The following NAA60 variants were observed in gnomAD, a reference collection of about 807,000 sequenced individuals.
NAA60 encodes the protein N-alpha-acetyltransferase 60, NatF catalytic subunit, also known as N-alpha-acetyltransferase 60.
NAA60 carries 8 observed loss-of-function variants against 26.1 expected under a neutral mutation model. The ratio of observed to expected loss-of-function variants is 0.31; its 90% CI spans 0.18 to 0.55. The LOEUF is 0.55. Among genes scored for constraint, NAA60 ranks in the 20% least tolerant of loss-of-function variants. The probability of loss-of-function intolerance (pLI) is 0.93; values close to 1 mark genes in which losing one functional copy is unlikely to be tolerated. For synonymous variants in NAA60, 131 were observed against 122.5 expected (o/e 1.07, Z -0.46); for missense variants, 290 against 311.3 (o/e 0.93, Z 0.51).
intron 2 of NAA60, among the ~76,000 whole-genome samples, chr16:3,458,341 C>T (rs1010828467): frequency 6.6e-6 from 1 of 151,182 alleles, no homozygotes; most frequent in Non-Finnish European, 1.5e-5. Context: ...CCCCGGCGCA[C>T]GGTCCTCCCG....
chr16:3,470,321 C>A (rs1056458561), intron 2 of NAA60, among the ~76,000 whole-genome samples: 1 of 152,232 alleles, frequency 6.6e-6, no homozygotes, highest in African/African-American at 2.4e-5. Context: ...GGTACACCTC[C>A]CAGCCTGTAG....
At chr16:3,468,286 G>C (rs12185193) in intron 2 of NAA60, 1 of 152,136 alleles carries the variant, frequency 6.6e-6, no homozygotes, top group Non-Finnish European at 1.5e-5. Flanking sequence ...AAAGCAGGTC[G>C]GTGTGAAGGG....
intron 2 of NAA60, among the ~76,000 whole-genome samples, chr16:3,465,266 CAA>C (rs529847098): frequency 2.9e-4 from 25 of 87,644 alleles, no homozygotes; most frequent in East Asian, 2.3e-3. Context: ...GACTCTGTCT[CAA>C]AAAAAAAAAA....
At chr16:3,483,002 G>T in intron 5 of NAA60, 1 of 463,840 alleles carries the variant, frequency 2.2e-6, no homozygotes, top group Non-Finnish European at 3.9e-6. Flanking sequence ...CACCCCACTC[G>T]GCCACACGGC....
intron 2 of NAA60, among the ~76,000 whole-genome samples, chr16:3,461,654 G>C (rs1382810950): frequency 5.3e-5 from 8 of 152,200 alleles, no homozygotes; most frequent in African/African-American, 1.7e-4. Flanking sequence ...GTGCTTTGAA[G>C]CCAGAAATAA....
At chr16:3,473,206 G>C (rs1472993609) in intron 2 of NAA60, among the ~76,000 whole-genome samples, 1 of 151,980 alleles carries the variant, frequency 6.6e-6, no homozygotes, top group East Asian at 1.9e-4. Flanking sequence ...GCTAATGTTT[G>C]TATTTTTAGT....
intron 1 of NAA60, among the ~76,000 whole-genome samples, chr16:3,445,387 C>T (rs2034510663): frequency 6.6e-6 from 1 of 151,538 alleles, no homozygotes. Context: ...GATTCTCCTG[C>T]CTAAGCCTCC....
intron 7 of NAA60, 25 bp from the exon 8 acceptor site, chr16:3,485,442 T>G: frequency 4.4e-6 from 2 of 458,418 alleles, no homozygotes; most frequent in Non-Finnish European, 8.8e-6. Flanking sequence ...GCCTTCACCC[T>G]GCCCTGCTCT....
intron 2 of NAA60, among the ~76,000 whole-genome samples, chr16:3,450,861 G>T (rs1285063962): frequency 6.6e-6 from 1 of 152,148 alleles, no homozygotes; most frequent in African/African-American, 2.4e-5. Context: ...TGGTATAGAA[G>T]CCTTGGGTGG....
intron 2 of NAA60, chr16:3,468,297 A>T (rs537719604): frequency 6.6e-6 from 1 of 152,282 alleles, no homozygotes; most frequent in African/African-American, 2.4e-5. Context: ...GTGTGAAGGG[A>T]GTAGCCTCTG....
chr16:3,446,675 A>G (rs772971000), intron 1 of NAA60, among the ~76,000 whole-genome samples: 2 of 148,846 alleles, frequency 1.3e-5, no homozygotes, highest in Non-Finnish European at 3.0e-5. Context: ...CAGTGGTGCG[A>G]TCTCTGCTCA....
intron 2 of NAA60, chr16:3,467,571 T>G (rs977422999): frequency 1.3e-5 from 2 of 152,168 alleles, no homozygotes; most frequent in Non-Finnish European, 2.9e-5. Flanking sequence ...ACAGGGTTGT[T>G]TTTGGCTTTT....
chr16:3,485,919 A>C lies in NAA60; in HGVS notation c.*659A>C, dbSNP rs1567406647. On this transcript the variant is annotated 3_prime_UTR_variant, in exon 8 of 8. Coordinates refer to ENST00000407558, the MANE Select transcript of NAA60 (RefSeq NM_001083601.3). ...GCGGTCACGCATCAGGACGGTTCCT[A>C]CTCCTCAGCACCTTCCGTGCAGTTA... 1 of 335,754 alleles carries C rather than the reference A, an allele frequency of 3.0e-6. No homozygotes were observed. Among genetic ancestry groups the C allele is most frequent in the African/African-American group, 2.2e-5 (1 of 46,100 alleles). 20.8% of individuals were successfully genotyped at this position (335,754 alleles called of 1,614,324 possible).
In NAA60 at chr16:3,463,320, G is replaced by C. The variant is rs1375495957; in HGVS notation, c.-6-12902G>C. 2.0e-5 allele frequency among the ~76,000 whole-genome samples: 3 copies of C among 152,076 alleles called. No homozygotes were observed. In the East Asian group the frequency reaches 5.8e-4, roughly 29 times the overall value. On this transcript the variant is annotated intron_variant, in intron 2 of 7. Coordinates refer to ENST00000407558, the MANE Select transcript of NAA60 (RefSeq NM_001083601.3). ...CCTAGCACTTTGGGAGGCCGAGGTAGGTGGATCACTTGAGCTCTGGAGTTA... is the reference window on the plus strand; with the variant it reads ...CCTAGCACTTTGGGAGGCCGAGGTACGTGGATCACTTGAGCTCTGGAGTTA...
intron 2 of NAA60, chr16:3,457,967 CA>C (rs1446144886): frequency 6.1e-6 from 6 of 984,910 alleles, no homozygotes; most frequent in Non-Finnish European, 7.2e-6. Flanking sequence ...GGGGCGGGGC[CA>C]CGTGGGGGCG....
chr16:3,446,240 A>G (rs1227288983), intron 1 of NAA60, among the ~76,000 whole-genome samples: 1 of 152,174 alleles, frequency 6.6e-6, no homozygotes, highest in Non-Finnish European at 1.5e-5. Context: ...CATTTCAGAA[A>G]GTTAGGAAAG....
At chr16:3,467,871 G>T (rs12185192) in intron 2 of NAA60, 9,355 of 152,212 alleles carry the variant, frequency 0.061, 382 homozygotes, top group Admixed American at 0.084. Flanking sequence ...TGGACAAAAC[G>T]GCACAAACAA....
intron 2 of NAA60, among the ~76,000 whole-genome samples, chr16:3,457,751 A>G (rs1203857786): frequency 1.3e-5 from 2 of 152,086 alleles, no homozygotes; most frequent in Non-Finnish European, 2.9e-5. Flanking sequence ...CTCGGCCCGG[A>G]AACCGCGCCA....
rs1469915605 is a variant in NAA60, at chr16:3,466,278, C to T, written c.-6-9944C>T. On this transcript the variant is annotated intron_variant, in intron 2 of 7. Transcript: ENST00000407558. Reference sequence around the variant, plus strand: ...GCCACTCTGCGGGCTCCCCTCGGCACATGATGGTCTTCAGAGAGAGGCTGT... The same window carrying T: ...GCCACTCTGCGGGCTCCCCTCGGCATATGATGGTCTTCAGAGAGAGGCTGT... 2.8e-4 allele frequency among the ~76,000 whole-genome samples: 42 copies of T among 152,218 alleles called. 2 individuals carry two copies. Among genetic ancestry groups the T allele is most frequent in the Admixed American group, 2.7e-3 (42 of 15,286 alleles).
Sources: allele counts gnomAD v4.1 joint callset (sites outside exome capture counted in the v4.1 genomes callset), GRCh38; gene constraint gnomAD v4.1.1; transcripts MANE v1.5; gene names NCBI Gene and HGNC (gene_info 2026-07-23, HGNC 2026-07-21).